Variants in ACAD11 observed in about 807,000 individuals in gnomAD.
ACAD11 encodes acyl-CoA dehydrogenase family member 11.
A neutral mutation model predicts 102.2 loss-of-function variants in ACAD11; 83 were observed. The ratio of observed to expected loss-of-function variants is 0.81; its 90% CI spans 0.68 to 0.97. The LOEUF (loss-of-function observed/expected upper bound fraction) is 0.97, where lower values mean the gene tolerates loss of function less well. Ranked by LOEUF, ACAD11 falls within the 50% of genes least tolerant of loss-of-function variation. The pLI is 0.00. For synonymous variants in ACAD11, 324 were observed against 319.8 expected (o/e 1.01, Z -0.14); for missense variants, 901 against 951.7 (o/e 0.95, Z 0.70).
chr3:132,587,973 C>T (rs1937915368), intron 13 of ACAD11, among the ~76,000 whole-genome samples: 1 of 152,138 alleles, frequency 6.6e-6, no homozygotes, highest in Non-Finnish European at 1.5e-5. Flanking sequence ...ACCTCATTTC[C>T]CAGCAGTGAT....
At chr3:132,633,526 T>TA (rs1185297687) in intron 5 of ACAD11, among the ~76,000 whole-genome samples, 1 of 151,702 alleles carries the variant, frequency 6.6e-6, no homozygotes, top group Non-Finnish European at 1.5e-5. Context: ...GATATTGGTC[T>TA]AAAATTCTCT....
At chr3:132,654,450 T>C (rs556796734) in intron 1 of ACAD11, 1 of 152,212 alleles carries the variant, frequency 6.6e-6, no homozygotes, top group South Asian at 2.1e-4. Flanking sequence ...TGGACTGAGG[T>C]GATAAGATAG....
chr3:132,641,058 A>C lies in ACAD11; in HGVS notation c.537+914T>G, dbSNP rs115234483. ...CATGGTGAGTATCAAACAATTTACC[A>C]CTAGATTTTACACTCTTTTATACCA... On this transcript the variant is annotated intron_variant, in intron 4 of 19. Coordinates refer to ENST00000264990, the MANE Select transcript of ACAD11 (RefSeq NM_032169.5). Among the ~76,000 whole-genome samples the C allele has an allele frequency of 3.2e-3, 487 of 152,176 alleles. 4 individuals carry two copies. Among genetic ancestry groups the C allele is most frequent in the Admixed American group, 7.4e-3 (113 of 15,286 alleles).
intron 4 of ACAD11, among the ~76,000 whole-genome samples, chr3:132,641,072 T>C (rs1940474772): frequency 6.6e-6 from 1 of 152,182 alleles, no homozygotes; most frequent in Admixed American, 6.5e-5. Flanking sequence ...GATTTTACAC[T>C]CTTTTATACC....
rs1359791904 is a variant in ACAD11 at position 132,626,325 on chromosome 3, T to A, written c.1197+366A>T. On this transcript the variant is annotated intron_variant, in intron 9 of 19. Transcript: ENST00000264990. ...AACAGCTTGAAATGATATGTAAAAT[T>A]CTCTAGGTGTGTCCATCTTGTATAG... is the stretch of plus-strand genomic sequence containing the variant. Among the ~76,000 whole-genome samples, 3 of 152,026 alleles carry A rather than the reference T, an allele frequency of 2.0e-5. No individual in the cohort carries two copies. The East Asian group carries it at 5.8e-4, about 29-fold the overall frequency.
chr3:132,659,788 A>G lies in ACAD11; in HGVS notation c.-37T>C. 6.4e-7 allele frequency: 1 copy of G among 1,551,906 alleles called. No individual in the cohort carries two copies. Reference sequence around the variant, plus strand: ...CAGGCCACAGCAACGCGGCATCCACAGGTCTCGAGTGCCGAAGTCCTTCAG... The same window carrying G: ...CAGGCCACAGCAACGCGGCATCCACGGGTCTCGAGTGCCGAAGTCCTTCAG... On this transcript the variant is annotated 5_prime_UTR_variant, in exon 1 of 20. Coordinates refer to ENST00000264990, the MANE Select transcript of ACAD11 (RefSeq NM_032169.5).
intron 13 of ACAD11, among the ~76,000 whole-genome samples, chr3:132,585,547 A>G (rs1364182603): frequency 6.6e-6 from 1 of 152,224 alleles, no homozygotes; most frequent in Admixed American, 6.5e-5. Context: ...ATCAGAGTGA[A>G]CAGGCAACCT....
chr3:132,576,879 T>C, intron 16 of ACAD11, 65 bp downstream of exon 16: 1 of 1,177,452 alleles, frequency 8.5e-7, no homozygotes, highest in Non-Finnish European at 1.2e-6. Context: ...AGACTTATCT[T>C]TTCCAGATTT....
chr3:132,564,111 A>G (rs893582516), intron 17 of ACAD11, among the ~76,000 whole-genome samples: 1 of 152,224 alleles, frequency 6.6e-6, no homozygotes, highest in Non-Finnish European at 1.5e-5. Flanking sequence ...AGTTATAGAC[A>G]TGAATCAGGC....
At chr3:132,607,444 C>G (rs1938897167) in intron 11 of ACAD11, among the ~76,000 whole-genome samples, 1 of 152,152 alleles carries the variant, frequency 6.6e-6, no homozygotes, top group Non-Finnish European at 1.5e-5. Context: ...CCTGATAGAG[C>G]TGCAAAACAC....
At chr3:132,573,843 T>G (rs1937451666) in intron 17 of ACAD11, among the ~76,000 whole-genome samples, 1 of 152,208 alleles carries the variant, frequency 6.6e-6, no homozygotes, top group Non-Finnish European at 1.5e-5. Context: ...GGAGAATTTT[T>G]TGCGTTACAG....
chr3:132,562,045 G>A lies in ACAD11; in HGVS notation c.2002-828C>T, dbSNP rs547192004. Among the ~76,000 whole-genome samples, 11 of 152,280 alleles carry A rather than the reference G, an allele frequency of 7.2e-5. No homozygotes were observed. The South Asian group carries it at 1.9e-3, about 26-fold the overall frequency. On this transcript the variant is annotated intron_variant, in intron 17 of 19. Transcript: ENST00000264990. ...CTGAGTAGTATTCCATTGTAAGTAT[G>A]TATCAGTTGGTTTATCCATTTGCCT...
intron 16 of ACAD11, 152 bp downstream of exon 16, chr3:132,576,792 T>C: frequency 1.6e-6 from 1 of 613,090 alleles, no homozygotes; most frequent in African/African-American, 1.9e-5. Context: ...CAAAAGTAAT[T>C]GCAGTTCAAA....
intron 2 of ACAD11, among the ~76,000 whole-genome samples, chr3:132,643,271 G>C (rs1368552854): frequency 2.6e-5 from 4 of 152,174 alleles, no homozygotes; most frequent in Non-Finnish European, 5.9e-5. Context: ...AAAAGTACCT[G>C]CTCCTTCTGG....
chr3:132,659,419 T>C (rs1267578366), intron 1 of ACAD11, 184 bp downstream of exon 1: 3 of 727,448 alleles, frequency 4.1e-6, no homozygotes, highest in Non-Finnish European at 6.4e-6. Context: ...CGCCCTCCAA[T>C]TGGGAAGCCC....
intron 7 of ACAD11, among the ~76,000 whole-genome samples, chr3:132,630,068 C>A (rs541591763): frequency 6.6e-6 from 1 of 151,870 alleles, no homozygotes; most frequent in South Asian, 2.1e-4. Context: ...CATCATCAAC[C>A]CTAACTAATA....
At chr3:132,559,204 C>A in intron 19 of ACAD11, 119 bp from the exon 20 acceptor site, 1 of 756,594 alleles carries the variant, frequency 1.3e-6, no homozygotes, top group Admixed American at 2.7e-5. Context: ...CCACCAAGGT[C>A]AGGGTAAGAA....
chr3:132,606,213 GT>G (rs1938830255), intron 11 of ACAD11, among the ~76,000 whole-genome samples: 1 of 152,158 alleles, frequency 6.6e-6, no homozygotes, highest in South Asian at 2.1e-4. Context: ...ATTGAGTTGT[GT>G]AAGTTAAACT....
intron 12 of ACAD11, 26 bp from the exon 13 acceptor site, chr3:132,603,353 A>G: frequency 6.3e-7 from 1 of 1,591,398 alleles, no homozygotes; most frequent in Non-Finnish European, 8.6e-7. Flanking sequence ...AGCTGAATTT[A>G]CAGGCAGGCA....
Sources: gnomAD v4.1 joint callset for allele counts (sites outside exome capture counted in the v4.1 genomes callset) on GRCh38, gnomAD v4.1.1 for gene constraint, MANE v1.5 for transcripts, NCBI Gene and HGNC (gene_info 2026-07-23, HGNC 2026-07-21) for gene names.